The following MCTP1 variants were observed in gnomAD, a reference collection of about 807,000 sequenced individuals.
MCTP1 encodes the protein multiple C2 and transmembrane domain containing 1, also known as multiple C2 and transmembrane domain-containing protein 1.
In MCTP1, 69 loss-of-function variants were observed where a neutral mutation model predicts 120.6. The ratio of observed to expected loss-of-function variants is 0.57; its 90% CI spans 0.47 to 0.70. The LOEUF is 0.70. MCTP1 is among the 30% of genes least tolerant of loss of function. The pLI is 0.00. For synonymous variants in MCTP1, 529 were observed against 493.1 expected, an observed-to-expected ratio of 1.07 and a Z score of -0.96; for missense variants, 1,203 against 1,248.8, an observed-to-expected ratio of 0.96 and a Z score of 0.55.
intron 1 of MCTP1, among the ~76,000 whole-genome samples, chr5:95,072,115 T>TGTG (rs1752334045): frequency 3.5e-5 from 1 of 28,968 alleles, no homozygotes; most frequent in Admixed American, 3.7e-4. Flanking sequence ...GTGTGTGTGA[T>TGTG]TGGAGGTTTG....
chr5:94,791,472 G>T (rs561667847), intron 18 of MCTP1, among the ~76,000 whole-genome samples: 1 of 148,836 alleles, frequency 6.7e-6, no homozygotes, highest in Non-Finnish European at 1.5e-5. Context: ...TCCAGCCTGG[G>T]TGACAGAGGG....
intron 2 of MCTP1, among the ~76,000 whole-genome samples, chr5:94,974,863 A>G (rs901985951): frequency 2.0e-5 from 3 of 152,192 alleles, no homozygotes; most frequent in African/African-American, 7.2e-5. Flanking sequence ...TCAAGCAATT[A>G]TATTACAATG....
chr5:94,872,383 C>T (rs908848582), intron 13 of MCTP1, among the ~76,000 whole-genome samples: 3 of 151,846 alleles, frequency 2.0e-5, no homozygotes, highest in African/African-American at 7.3e-5. Context: ...AATAAATTGG[C>T]CAGACAGTTA....
intron 1 of MCTP1, among the ~76,000 whole-genome samples, chr5:95,197,405 T>C (rs1750511486): frequency 6.6e-6 from 1 of 152,162 alleles, no homozygotes; most frequent in African/African-American, 2.4e-5. Context: ...TGATGAAGCA[T>C]GTACAAGGAT....
chr5:94,794,529 C>A (rs1779622969), intron 18 of MCTP1, among the ~76,000 whole-genome samples: 1 of 152,204 alleles, frequency 6.6e-6, no homozygotes, highest in Admixed American at 6.5e-5. Context: ...GAAAGGAATG[C>A]CCATGCATGT....
Position 94,966,240 on chromosome 5 carries a change from T to C in MCTP1, c.839-12879A>G, listed in dbSNP as rs563862915. On this transcript the variant is annotated intron_variant, in intron 2 of 22. Coordinates refer to ENST00000515393, the MANE Select transcript of MCTP1 (RefSeq NM_024717.7). ...TTTCAGACTCCAAGCCCAATGTTTC[T>C]TCTATTCAACAGTTTAGGAATCCCA... Among the ~76,000 whole-genome samples, 125 of 152,310 alleles carry C rather than the reference T, an allele frequency of 8.2e-4. 1 individual carries two copies. Among genetic ancestry groups the C allele is most frequent in the African/African-American group, 3.0e-3 (124 of 41,580 alleles).
intron 2 of MCTP1, among the ~76,000 whole-genome samples, chr5:94,965,236 A>T (rs1010745633): frequency 6.6e-6 from 1 of 152,028 alleles, no homozygotes; most frequent in African/African-American, 2.4e-5. Flanking sequence ...CTTGGATGCC[A>T]TTTTTTTCTC....
intron 1 of MCTP1, among the ~76,000 whole-genome samples, chr5:95,132,416 C>T (rs899381260): frequency 6.6e-6 from 1 of 152,212 alleles, no homozygotes; most frequent in Non-Finnish European, 1.5e-5. Context: ...CTTTTACAAA[C>T]AACTATTTTT....
intron 19 of MCTP1, among the ~76,000 whole-genome samples, chr5:94,772,335 A>C (rs994164786): frequency 6.6e-6 from 1 of 152,072 alleles, no homozygotes; most frequent in Admixed American, 6.5e-5. Flanking sequence ...CTCTACCTTT[A>C]GGTAGTCCAG....
chr5:95,157,894 G>A (rs1261558724), intron 1 of MCTP1, among the ~76,000 whole-genome samples: 2 of 152,124 alleles, frequency 1.3e-5, no homozygotes, highest in African/African-American at 4.8e-5. Context: ...GCAATGTTGA[G>A]TTGTCATGAC....
At chr5:95,087,445 C>T (rs1418420024) in intron 1 of MCTP1, among the ~76,000 whole-genome samples, 1 of 152,176 alleles carries the variant, frequency 6.6e-6, no homozygotes, top group Non-Finnish European at 1.5e-5. Flanking sequence ...GAAGGCAGCA[C>T]TCAAGCTTCC....
At chr5:94,842,784 A>G (rs576814136) in intron 17 of MCTP1, among the ~76,000 whole-genome samples, 1 of 152,346 alleles carries the variant, frequency 6.6e-6, no homozygotes, top group African/African-American at 2.4e-5. Flanking sequence ...GAAACATGAT[A>G]GAAATAATAT....
intron 1 of MCTP1, among the ~76,000 whole-genome samples, chr5:95,030,940 A>T (rs184836746): frequency 6.6e-6 from 1 of 152,260 alleles, no homozygotes; most frequent in African/African-American, 2.4e-5. Context: ...CAGGATATGA[A>T]AGACAAGATA....
intron 19 of MCTP1, among the ~76,000 whole-genome samples, chr5:94,764,543 T>C (rs946859298): frequency 6.6e-6 from 1 of 152,110 alleles, no homozygotes; most frequent in Admixed American, 6.5e-5. Context: ...AAAAAAGATA[T>C]TCCACACAAA....
At chr5:95,010,936 G>A (rs1248134933) in intron 2 of MCTP1, among the ~76,000 whole-genome samples, 4 of 152,072 alleles carry the variant, frequency 2.6e-5, no homozygotes, top group Non-Finnish European at 4.4e-5. Context: ...GTCATATGTT[G>A]CCAGAGTTTG....
At chr5:94,927,867 C>A (rs1027754808) in intron 6 of MCTP1, among the ~76,000 whole-genome samples, 2 of 151,702 alleles carry the variant, frequency 1.3e-5, no homozygotes, top group Admixed American at 1.3e-4. Flanking sequence ...TTCATTCAAC[C>A]AATGAATAAA....
At chr5:95,172,221 G>A (rs528215329) in intron 1 of MCTP1, among the ~76,000 whole-genome samples, 183 of 152,294 alleles carry the variant, frequency 1.2e-3, no homozygotes, top group Non-Finnish European at 2.1e-3. Flanking sequence ...GCAGAACAGC[G>A]CATATTGCTG....
intron 1 of MCTP1, among the ~76,000 whole-genome samples, chr5:95,150,543 A>G (rs867454688): frequency 2.0e-5 from 3 of 152,250 alleles, no homozygotes; most frequent in Admixed American, 6.5e-5. Context: ...TTTGGATGAG[A>G]AAAGTTAAAA....
At chr5:94,810,630 T>C (rs1169078139) in intron 17 of MCTP1, among the ~76,000 whole-genome samples, 1 of 152,198 alleles carries the variant, frequency 6.6e-6, no homozygotes, top group Non-Finnish European at 1.5e-5. Context: ...GGAATGCCTT[T>C]AGAAAAGCAG....
Sources: gnomAD v4.1 joint callset for allele counts (sites outside exome capture counted in the v4.1 genomes callset) on GRCh38, gnomAD v4.1.1 for gene constraint, MANE v1.5 for transcripts, NCBI Gene and HGNC (gene_info 2026-07-23, HGNC 2026-07-21) for gene names.